Variants in DACH2 observed in about 807,000 individuals in gnomAD.
The protein encoded by DACH2 is dachshund family transcription factor 2.
A neutral mutation model predicts 35.8 loss-of-function variants in DACH2; 17 were observed. That is an observed-to-expected ratio of 0.48 (90% CI 0.33 to 0.71). DACH2 has a LOEUF of 0.71. Ranked by LOEUF, DACH2 falls within the 30% of genes least tolerant of loss-of-function variation. DACH2 has a pLI of 0.02. For synonymous variants in DACH2, 195 were observed against 177.3 expected (o/e 1.10, Z -0.79); for missense variants, 469 against 472.7 (o/e 0.99, Z 0.07).
At chrX:86,615,571 C>T (rs778469428) in intron 3 of DACH2, among the ~76,000 whole-genome samples, 2 of 111,123 alleles carry the variant, frequency 1.8e-5, no homozygotes, top group African/African-American at 6.5e-5. Context: ...AGCACAGTAA[C>T]CCCACAATTT....
At chrX:86,810,733 G>T (rs941629885) in intron 7 of DACH2, among the ~76,000 whole-genome samples, 1 of 111,020 alleles carries the variant, frequency 9.0e-6, no homozygotes, top group Admixed American at 9.7e-5. Context: ...TTTTAATAGT[G>T]TTTTTATGAG....
rs1372105213 is a variant in DACH2 at position 86,232,175 on chromosome X, GA to G, written c.488+83071del. On this transcript the variant is annotated intron_variant, in intron 1 of 11. Transcript: ENST00000373125. ...TGGGAAAAATCAAGTTGACGATCTT[GA>G]AAAGATAACATATACACAAATCAAC... is the stretch of plus-strand genomic sequence containing the variant. Among the ~76,000 whole-genome samples the G allele has an allele frequency of 2.7e-5, 3 of 111,216 alleles. No homozygotes were observed. The Admixed American group carries it at 2.9e-4, about 11-fold the overall frequency.
At chrX:86,732,541 C>A (rs984818944) in intron 6 of DACH2, among the ~76,000 whole-genome samples, 2 of 111,668 alleles carry the variant, frequency 1.8e-5, no homozygotes, top group Non-Finnish European at 3.8e-5. Context: ...GGATTTGAAT[C>A]CTGGTTTTAC....
At chrX:86,819,449 T>C (rs1183515682) in intron 11 of DACH2, among the ~76,000 whole-genome samples, 1 of 110,970 alleles carries the variant, frequency 9.0e-6, no homozygotes, top group Non-Finnish European at 1.9e-5. Context: ...ATGATATTTT[T>C]GCAAATGACA....
At chrX:86,299,174 T>C (rs778492391) in intron 1 of DACH2, among the ~76,000 whole-genome samples, 4 of 112,587 alleles carry the variant, frequency 3.6e-5, no homozygotes, top group Non-Finnish European at 7.5e-5. Flanking sequence ...TTTTATAAGG[T>C]ACACAAATGT....
intron 3 of DACH2, among the ~76,000 whole-genome samples, chrX:86,519,823 T>C (rs2038526024): frequency 1.8e-5 from 2 of 111,047 alleles, no homozygotes; most frequent in Admixed American, 1.9e-4. Flanking sequence ...CTATGTATTT[T>C]ATTAAATTTT....
intron 1 of DACH2, among the ~76,000 whole-genome samples, chrX:86,204,484 T>C (rs746613414): frequency 8.2e-4 from 92 of 111,738 alleles, no homozygotes; most frequent in African/African-American, 2.9e-3. Context: ...TGGAAAGGCA[T>C]GATCGCAGTG....
intron 2 of DACH2, among the ~76,000 whole-genome samples, chrX:86,430,577 G>A (rs968891754): frequency 8.9e-6 from 1 of 112,089 alleles, no homozygotes; most frequent in Non-Finnish European, 1.9e-5. Flanking sequence ...ATTCTCCTGT[G>A]GGTACAACGT....
chrX:86,719,423 C>T (rs1179211486), intron 6 of DACH2, among the ~76,000 whole-genome samples: 1 of 111,856 alleles, frequency 8.9e-6, no homozygotes, highest in African/African-American at 3.2e-5. Flanking sequence ...ATTTGACTTC[C>T]CCTTTTCAAT....
intron 1 of DACH2, among the ~76,000 whole-genome samples, chrX:86,210,224 C>T (rs2032412692): frequency 9.0e-6 from 1 of 111,496 alleles, no homozygotes; most frequent in Admixed American, 9.6e-5. Context: ...TTTTTCTTCA[C>T]AGTATTGGTT....
At chrX:86,161,427 C>T in intron 1 of DACH2, 3 of 544,627 alleles carry the variant, frequency 5.5e-6, no homozygotes, top group Admixed American at 4.1e-5. Flanking sequence ...CAGTTACTGA[C>T]TTTAACACAC....
At chrX:86,355,189 G>C (rs2035622715) in intron 1 of DACH2, among the ~76,000 whole-genome samples, 1 of 112,097 alleles carries the variant, frequency 8.9e-6, no homozygotes, top group South Asian at 3.7e-4. Flanking sequence ...GATTTGCTTA[G>C]GATAATGGCC....
At chrX:86,293,319 C>G (rs985533777) in intron 1 of DACH2, among the ~76,000 whole-genome samples, 3,463 of 109,855 alleles carry the variant, frequency 0.032, 161 homozygotes, top group African/African-American at 0.11. Flanking sequence ...GCCTATGTGT[C>G]TCTCTGCACG....
At chrX:86,191,402 C>A (rs1051393705) in intron 1 of DACH2, among the ~76,000 whole-genome samples, 3 of 111,408 alleles carry the variant, frequency 2.7e-5, no homozygotes, top group African/African-American at 9.8e-5. Flanking sequence ...TGCATGTTCT[C>A]ACTTATAAGT....
At chrX:86,431,350 A>AG (rs887267642) in intron 2 of DACH2, among the ~76,000 whole-genome samples, 8 of 111,957 alleles carry the variant, frequency 7.1e-5, no homozygotes, top group African/African-American at 2.6e-4. Flanking sequence ...TTTTTTAAAG[A>AG]GGGAAAAAAG....
At chrX:86,732,991 G>A (rs997708257) in intron 6 of DACH2, among the ~76,000 whole-genome samples, 1 of 111,340 alleles carries the variant, frequency 9.0e-6, no homozygotes, top group Admixed American at 9.6e-5. Flanking sequence ...AAGATTATGA[G>A]CCTGATGGGG....
intron 7 of DACH2, among the ~76,000 whole-genome samples, chrX:86,769,912 A>G (rs2041971310): frequency 9.1e-6 from 1 of 109,879 alleles, no homozygotes; most frequent in African/African-American, 3.3e-5. Context: ...CTGTAATCCC[A>G]GCACTTTGGG....
chrX:86,420,680 G>A (rs1268257931), intron 2 of DACH2, among the ~76,000 whole-genome samples: 1 of 111,098 alleles, frequency 9.0e-6, no homozygotes, highest in East Asian at 2.8e-4. Context: ...AAAGTATATT[G>A]CTTAATGTCA....
chrX:86,205,471 TC>T (rs1342061402), intron 1 of DACH2, among the ~76,000 whole-genome samples: 12 of 38,148 alleles, frequency 3.1e-4, no homozygotes, highest in African/African-American at 2.7e-3. Flanking sequence ...CCTCCCTCCT[TC>T]CCTCCTTCCC....
Sources: allele counts gnomAD v4.1 joint callset (sites outside exome capture counted in the v4.1 genomes callset), GRCh38; gene constraint gnomAD v4.1.1; transcripts MANE v1.5; gene names NCBI Gene and HGNC (gene_info 2026-07-23, HGNC 2026-07-21).